Variants in LRRC72 observed in about 807,000 individuals in gnomAD.
The protein encoded by LRRC72 is leucine rich repeat containing 72.
Under a neutral mutation model 35.8 loss-of-function variants are expected in LRRC72, and 41 were observed. The ratio of observed to expected loss-of-function variants is 1.15; its 90% CI spans 0.89 to 1.49. The LOEUF is 1.49. LRRC72 is among the 40% of genes most tolerant of loss of function. The pLI, the probability that LRRC72 is intolerant of heterozygous loss-of-function variation, is 0.00. For missense variants in LRRC72, 389 were observed against 330.7 expected, an observed-to-expected ratio of 1.18 and a Z score of -1.37; for synonymous variants, 118 against 119.2, an observed-to-expected ratio of 0.99 and a Z score of 0.07.
chr7:16,575,697 T>C (rs904250655), intron 7 of LRRC72, among the ~76,000 whole-genome samples: 1 of 152,234 alleles, frequency 6.6e-6, no homozygotes, highest in Admixed American at 6.5e-5. Flanking sequence ...CCTTGGTTTA[T>C]GTAAAAGTCC....
intron 8 of LRRC72, 122 bp downstream of exon 8, chr7:16,580,223 A>G (rs182300937): frequency 2.7e-5 from 5 of 185,444 alleles, no homozygotes; most frequent in Admixed American, 2.4e-4. Flanking sequence ...TCTTCAATAG[A>G]TGAGAAAAAT....
At chr7:16,558,863 T>C in intron 4 of LRRC72, 26 bp from the exon 5 acceptor site, 1 of 1,318,646 alleles carries the variant, frequency 7.6e-7, no homozygotes, top group African/African-American at 1.5e-5. Flanking sequence ...GTTTAAAATC[T>C]TGTAAAAATA....
intron 3 of LRRC72, among the ~76,000 whole-genome samples, chr7:16,555,609 CTAAAAA>C (rs1302362739): frequency 6.6e-6 from 1 of 152,024 alleles, no homozygotes; most frequent in Non-Finnish European, 1.5e-5. Context: ...CCCATCTCTA[CTAAAAA>C]TAAAAAATTA....
chr7:16,579,343 GA>G (rs1408533237), intron 7 of LRRC72, among the ~76,000 whole-genome samples: 1 of 152,220 alleles, frequency 6.6e-6, no homozygotes, highest in African/African-American at 2.4e-5. Flanking sequence ...AGCCACTTGT[GA>G]AGGGAATAAT....
chr7:16,558,923 G>T lies in LRRC72; in HGVS notation c.351G>T (p.Leu117=), dbSNP rs761205529. Residue 117 remains leucine (L), a synonymous_variant, in exon 5 of 9, where the codon CTG becomes CTT. Coordinates refer to ENST00000401542, the MANE Select transcript of LRRC72 (RefSeq NM_001195280.2). ...ATTTGCCTTCATTGCATATACTCCT[G>T]CTACACCACAATGAGCTAACCAACA... ...LHYLPSLHIL[L]LHHNELTNID... 1 of 1,530,562 alleles carries T rather than the reference G, an allele frequency of 6.5e-7. No homozygotes were observed. Among genetic ancestry groups the T allele is most frequent in the East Asian group, 2.5e-5 (1 of 40,112 alleles). 94.8% of individuals were successfully genotyped at this position (1,530,562 alleles called of 1,614,324 possible).
intron 3 of LRRC72, among the ~76,000 whole-genome samples, chr7:16,549,186 A>G (rs144841605): frequency 8.3e-4 from 126 of 152,184 alleles, no homozygotes; most frequent in African/African-American, 2.9e-3. Flanking sequence ...TTTGTTTCGT[A>G]TTTTACTTTT....
intron 7 of LRRC72, among the ~76,000 whole-genome samples, chr7:16,576,274 G>A (rs533658169): frequency 1.5e-3 from 232 of 152,194 alleles, no homozygotes; most frequent in Non-Finnish European, 2.8e-3. Context: ...TATCCATATA[G>A]TTTTGCAGCT....
rs531839302 is a variant in LRRC72, at chr7:16,557,404, A to C, written c.279A>C (p.Glu93Asp). 2.1e-5 allele frequency: 28 copies of C among 1,337,834 alleles called. No individual in the cohort carries two copies. The highest frequency in any genetic ancestry group is 5.9e-5 in the East Asian group (2 of 34,046). The allele number at this position is 1,337,834 out of a possible 1,614,324, so 82.9% of individuals were successfully genotyped here. The change falls in exon 4 of 9, where the codon GAA becomes GAC. Residue 93 changes from glutamate (E) to aspartate (D), a missense_variant. Physicochemically the swap from Glu to Asp is conservative, Grantham distance 45. Coordinates refer to ENST00000401542, the MANE Select transcript of LRRC72 (RefSeq NM_001195280.2). ...TAACTAGAAACTATTGTCTGACAGAACTATATCTAAACAACAATGCAATAT... is the reference window on the plus strand; with the variant it reads ...TAACTAGAAACTATTGTCTGACAGACCTATATCTAAACAACAATGCAATAT... ...TFLTRNYCLTELYLNNNAIFE... is the reference protein window; with the variant it reads ...TFLTRNYCLTDLYLNNNAIFE...
At chr7:16,531,087 G>A (rs1193930730) in intron 1 of LRRC72, among the ~76,000 whole-genome samples, 1 of 151,692 alleles carries the variant, frequency 6.6e-6, no homozygotes, top group African/African-American at 2.4e-5. Flanking sequence ...TACTTGGGAG[G>A]CAGGAGAATT....
chr7:16,530,588 C>G (rs10240242), intron 1 of LRRC72: 1 of 152,220 alleles, frequency 6.6e-6, no homozygotes, highest in Non-Finnish European at 1.5e-5. Flanking sequence ...TTTGAAACTA[C>G]TTCACAGTAT....
chr7:16,562,645 C>G (rs1782763213), intron 5 of LRRC72, among the ~76,000 whole-genome samples: 1 of 152,176 alleles, frequency 6.6e-6, no homozygotes, highest in African/African-American at 2.4e-5. Context: ...GCAGTGGCCC[C>G]AATCCACTGC....
chr7:16,551,571 T>C (rs1485770300), intron 3 of LRRC72, among the ~76,000 whole-genome samples: 1 of 152,108 alleles, frequency 6.6e-6, no homozygotes, highest in East Asian at 1.9e-4. Context: ...TGGCCAATGA[T>C]TTAATCAATT....
intron 3 of LRRC72, among the ~76,000 whole-genome samples, chr7:16,553,124 C>A (rs1583643299): frequency 6.6e-6 from 1 of 152,146 alleles, no homozygotes; most frequent in East Asian, 1.9e-4. Flanking sequence ...TTTTAGACAC[C>A]TTTTGGGGCT....
intron 5 of LRRC72, among the ~76,000 whole-genome samples, chr7:16,564,112 T>C (rs1456336085): frequency 6.6e-6 from 1 of 152,180 alleles, no homozygotes; most frequent in Non-Finnish European, 1.5e-5. Context: ...AGAGAAAACG[T>C]CATTGAAAGA....
intron 3 of LRRC72, among the ~76,000 whole-genome samples, chr7:16,555,825 C>T (rs557831201): frequency 1.2e-4 from 18 of 151,952 alleles, no homozygotes; most frequent in Admixed American, 1.0e-3. Flanking sequence ...AACACACAAA[C>T]AAAGAATTTA....
At chr7:16,533,795 A>G (rs1364532353) in intron 2 of LRRC72, among the ~76,000 whole-genome samples, 1 of 152,104 alleles carries the variant, frequency 6.6e-6, no homozygotes, top group East Asian at 1.9e-4. Context: ...TTAGTATGGA[A>G]CAGGTATGGT....
In LRRC72 at chr7:16,565,429, C is replaced by CAAAA. The variant is rs11284083; in HGVS notation, c.428-872_428-869dup. On this transcript the variant is annotated intron_variant, in intron 5 of 8. Transcript: ENST00000401542. ...CCTGGCAACAAGAACAAGACTCTGT[C>CAAAA]AAAAAAAAAAAAAAATGCCCAACTG... Among the ~76,000 whole-genome samples the CAAAA allele has an allele frequency of 6.4e-3, 734 of 115,330 alleles. 5 individuals are homozygous for CAAAA. The highest frequency in any genetic ancestry group is 0.02 in the African/African-American group (688 of 33,978). 75.7% of individuals were successfully genotyped at this position (115,330 alleles called of 152,430 possible).
chr7:16,540,038 C>T (rs1782328788), intron 3 of LRRC72, among the ~76,000 whole-genome samples: 1 of 152,192 alleles, frequency 6.6e-6, no homozygotes, highest in African/African-American at 2.4e-5. Flanking sequence ...CCATCATCCT[C>T]CAGACCCCAG....
intron 3 of LRRC72, among the ~76,000 whole-genome samples, chr7:16,555,670 G>T (rs987088476): frequency 6.6e-6 from 1 of 152,110 alleles, no homozygotes; most frequent in African/African-American, 2.4e-5. Context: ...TACTTGGGAG[G>T]CTGAGGTGGG....
Sources: gnomAD v4.1 joint callset for allele counts (sites outside exome capture counted in the v4.1 genomes callset) on GRCh38, gnomAD v4.1.1 for gene constraint, MANE v1.5 for transcripts, NCBI Gene and HGNC (gene_info 2026-07-23, HGNC 2026-07-21) for gene names.